MDM1: variants seen among roughly 807,000 people sequenced by gnomAD.
MDM1 encodes stabilizer of axonemal microtubules 6.
In MDM1, 61 loss-of-function variants were observed where a neutral mutation model predicts 89.1. That is an observed-to-expected ratio of 0.68 (90% CI 0.56 to 0.85). MDM1 has a LOEUF of 0.85. MDM1 is among the 40% of genes least tolerant of loss of function. The probability of loss-of-function intolerance (pLI) is 0.00; values close to 1 mark genes in which losing one functional copy is unlikely to be tolerated. For synonymous variants in MDM1, 290 were observed against 294.1 expected, an observed-to-expected ratio of 0.99 and a Z score of 0.14; for missense variants, 820 against 846.5, an observed-to-expected ratio of 0.97 and a Z score of 0.39.
At position 68,295,103 on chromosome 12, in the gene MDM1, T is replaced by C. The variant is rs1871197889; in HGVS notation, c.*151A>G. On this transcript the variant is annotated 3_prime_UTR_variant, in exon 15 of 15. Coordinates refer to ENST00000682720, the MANE Select transcript of MDM1 (RefSeq NM_001354969.2). ...AAAGTTAAATTTGTATAAGCCTATG[T>C]TAACAATTTCCAAGTAAACTGTTCT... 2 of 521,894 alleles carry C rather than the reference T, an allele frequency of 3.8e-6. No individual in the cohort carries two copies. The highest frequency in any genetic ancestry group is 7.0e-6 in the Non-Finnish European group (2 of 287,688). The allele number at this position is 521,894 out of a possible 1,614,324, so 32.3% of individuals were successfully genotyped here.
chr12:68,321,436 A>G lies in MDM1; in HGVS notation c.916T>C (p.Ser306Pro). ...CTCAGAAATTTTGCTCTATATTCGG[A>G]ATTCACCTTCCTAATAGAAATGAAA... The part of the protein sequence containing the change: ...WKHQRLGKVN[S>P]EYRAKFLSPA... Residue 306 changes from serine (S) to proline (P), a missense_variant, in exon 7 of 15, where the codon TCC becomes CCC. Ser to Pro is a moderately conservative substitution (Grantham distance 74). Coordinates refer to ENST00000682720, the MANE Select transcript of MDM1 (RefSeq NM_001354969.2). 6.2e-7 allele frequency: 1 copy of G among 1,613,626 alleles called. No homozygotes were observed. The highest frequency in any genetic ancestry group is 8.5e-7 in the Non-Finnish European group (1 of 1,179,794).
In MDM1 at chr12:68,302,809, G is replaced by A. The variant is rs1872368220; in HGVS notation, c.1813C>T (p.Leu605=). Residue 605 remains leucine, a synonymous_variant, in exon 13 of 15, where the codon CTG becomes TTG. Transcript: ENST00000682720. ...PAAGIKTVDP[L]PLREDSEDNI... The stretch of plus-strand genomic sequence containing the variant: ...TCTTCAGAATCTTCCCGCAAAGGCA[G>A]AGGATCAACTGTTTTTATACCAGCA... The A allele has an allele frequency of 1.2e-6, 2 of 1,607,362 alleles. No individual in the cohort carries two copies. The highest frequency in any genetic ancestry group is 1.7e-5 in the Admixed American group (1 of 58,988).
chr12:68,309,012 T>C (rs537002288), intron 12 of MDM1, among the ~76,000 whole-genome samples: 2 of 152,350 alleles, frequency 1.3e-5, no homozygotes, highest in African/African-American at 4.8e-5. Flanking sequence ...ACTACTGCAA[T>C]GGCCTTTTAA....
chr12:68,297,960 C>T (rs1871632407), intron 13 of MDM1, among the ~76,000 whole-genome samples: 1 of 152,136 alleles, frequency 6.6e-6, no homozygotes, highest in African/African-American at 2.4e-5. Context: ...TGGCTGTGCC[C>T]CTCCACAGCT....
chr12:68,327,061 A>G (rs899888087), intron 2 of MDM1, 40 bp from the exon 3 acceptor site: 1 of 1,525,810 alleles, frequency 6.6e-7, no homozygotes, highest in Non-Finnish European at 8.7e-7. Context: ...CTACTAAAGC[A>G]AAAAGTTACA....
At chr12:68,317,043 T>G (rs1874593039) in intron 7 of MDM1, among the ~76,000 whole-genome samples, 1 of 152,090 alleles carries the variant, frequency 6.6e-6, no homozygotes, top group African/African-American at 2.4e-5. Flanking sequence ...AACTTTTTTT[T>G]TTTTAAAAAA....
chr12:68,302,917 A>C, intron 12 of MDM1, 45 bp from the exon 13 acceptor site: 1 of 1,491,632 alleles, frequency 6.7e-7, no homozygotes, highest in South Asian at 1.3e-5. Context: ...CTATGTGTAG[A>C]TATGTAAATA....
chr12:68,325,163 A>C (rs1360320561), intron 4 of MDM1: 1 of 1,052,950 alleles, frequency 9.5e-7, no homozygotes, highest in African/African-American at 1.7e-5. Context: ...GTAGCATGCA[A>C]AAACTTACCA....
At position 68,313,702 on chromosome 12, in the gene MDM1, C is replaced by T. The variant is rs1270928650; in HGVS notation, c.1581G>A (p.Lys527=). The T allele has an allele frequency of 6.2e-7, 1 of 1,614,150 alleles. No individual in the cohort carries two copies. Residue 527 remains lysine, a synonymous_variant, in exon 11 of 15, where the codon AAG becomes AAA. Coordinates refer to ENST00000682720, the MANE Select transcript of MDM1 (RefSeq NM_001354969.2). ...TCTGGATTCCACCAAGTTCTCTCAG[C>T]TTGGGAGTAGGAAGCCGGCCTCCTT... The part of the protein sequence containing the change: ...SEKGGRLPTP[K]LRELGGIQRT...
At chr12:68,326,451 C>G (rs528059784) in intron 3 of MDM1, 2 of 1,471,600 alleles carry the variant, frequency 1.4e-6, no homozygotes, top group East Asian at 4.9e-5. Flanking sequence ...TATCATAGTA[C>G]AACTACTACA....
intron 7 of MDM1, 118 bp from the exon 8 acceptor site, chr12:68,316,728 A>G (rs2121011488): frequency 2.4e-6 from 2 of 838,300 alleles, no homozygotes; most frequent in East Asian, 2.7e-5. Flanking sequence ...TTGTCAATCA[A>G]TATTTCTTGG....
chr12:68,307,985 G>T lies in MDM1; in HGVS notation c.1750-5113C>A, dbSNP rs939343582. Among the ~76,000 whole-genome samples the T allele has an allele frequency of 9.3e-5, 13 of 139,474 alleles. No individual in the cohort carries two copies. The South Asian group carries it at 3.1e-3, about 33-fold the overall frequency. The allele number at this position is 139,474 out of a possible 152,430, so 91.5% of individuals were successfully genotyped here. On this transcript the variant is annotated intron_variant, in intron 12 of 14. Coordinates refer to ENST00000682720, the MANE Select transcript of MDM1 (RefSeq NM_001354969.2). ...AAAATTAAATTAAAAAAAAAAAAAA[G>T]AATAACATCTAAGATCCTTACTCGG... is the stretch of plus-strand genomic sequence containing the variant.
chr12:68,295,505 T>C, intron 14 of MDM1, 139 bp from the exon 15 acceptor site: 1 of 571,794 alleles, frequency 1.7e-6, no homozygotes, highest in Admixed American at 3.4e-5. Context: ...AGTAATCTAC[T>C]GAAATGTAAG....
At chr12:68,315,982 G>A in intron 9 of MDM1, 96 bp downstream of exon 9, 1 of 958,974 alleles carries the variant, frequency 1.0e-6, no homozygotes, top group Non-Finnish European at 1.5e-6. Context: ...TCGACTAGGA[G>A]ACACATTTTG....
Position 68,301,866 on chromosome 12 carries a change from C to T in MDM1, c.2002+754G>A, listed in dbSNP as rs539294398. Among the ~76,000 whole-genome samples, 21 of 151,984 alleles carry T rather than the reference C, an allele frequency of 1.4e-4. No homozygotes were observed. The South Asian group carries it at 4.4e-3, about 32-fold the overall frequency. Reference sequence around the variant, plus strand: ...CCAGCTAATTTTTTTGTAACAGAGACAGGGTTTCATCATGTGACCCAGGCT... The same window carrying T: ...CCAGCTAATTTTTTTGTAACAGAGATAGGGTTTCATCATGTGACCCAGGCT... On this transcript the variant is annotated intron_variant, in intron 13 of 14. Coordinates refer to ENST00000682720, the MANE Select transcript of MDM1 (RefSeq NM_001354969.2).
At position 68,325,979 on chromosome 12, in the gene MDM1, C is replaced by T. The variant is rs947726527; in HGVS notation, c.499-404G>A. ...CATCACCTTCCTTGTTCCCTTTCAC[C>T]CCCAGCTTTTTCAACAAGCTACAGA... is the stretch of plus-strand genomic sequence containing the variant. On this transcript the variant is annotated intron_variant, in intron 3 of 14. Transcript: ENST00000682720. 3.0e-6 allele frequency: 3 copies of T among 993,948 alleles called. No homozygotes were observed. In the African/African-American group the frequency reaches 5.2e-5, roughly 17 times the overall value. 61.6% of individuals were successfully genotyped at this position (993,948 alleles called of 1,614,324 possible). A position where few individuals can be genotyped will look rare whatever the true frequency, so the allele number is the denominator to read the frequency against.
chr12:68,327,350 C>T, intron 2 of MDM1: 1 of 1,522,790 alleles, frequency 6.6e-7, no homozygotes, highest in Non-Finnish European at 8.8e-7. Flanking sequence ...CATGCTGCCT[C>T]GTTTCTAATT....
At chr12:68,326,539 T>C in intron 3 of MDM1, 118 bp downstream of exon 3, 1 of 1,604,850 alleles carries the variant, frequency 6.2e-7, no homozygotes, top group Non-Finnish European at 8.5e-7. Flanking sequence ...CTTATAGACA[T>C]TAGACAAGAA....
At chr12:68,301,535 T>C (rs969296801) in intron 13 of MDM1, among the ~76,000 whole-genome samples, 2 of 151,926 alleles carry the variant, frequency 1.3e-5, no homozygotes, top group Admixed American at 1.3e-4. Context: ...AAATCCAGAA[T>C]TCACCACTAT....
Sources: allele counts gnomAD v4.1 joint callset (sites outside exome capture counted in the v4.1 genomes callset), GRCh38; gene constraint gnomAD v4.1.1; transcripts MANE v1.5; gene names NCBI Gene and HGNC (gene_info 2026-07-23, HGNC 2026-07-21).